PPP1R9A: variants seen among roughly 807,000 people sequenced by gnomAD.
The protein encoded by PPP1R9A is protein phosphatase 1 regulatory subunit 9A, also known as neurabin-1.
A neutral mutation model predicts 141.9 loss-of-function variants in PPP1R9A; 59 were observed. The observed-to-expected ratio is 0.42, with a 90% confidence interval of 0.34 to 0.52. The LOEUF is 0.52. PPP1R9A is among the 20% of genes least tolerant of loss of function. PPP1R9A has a pLI of 0.10. For missense variants in PPP1R9A, 1,444 were observed against 1,611.9 expected (o/e 0.90, Z 1.78); for synonymous variants, 500 against 569.7 (o/e 0.88, Z 1.74).
At chr7:95,185,708 G>A (rs1031281662) in intron 5 of PPP1R9A, among the ~76,000 whole-genome samples, 3 of 152,082 alleles carry the variant, frequency 2.0e-5, no homozygotes, top group Non-Finnish European at 4.4e-5. Flanking sequence ...TTTGTATAAG[G>A]TGAGAGGTGA....
chr7:94,992,801 C>T (rs12666453), intron 2 of PPP1R9A, among the ~76,000 whole-genome samples: 14,707 of 151,824 alleles, frequency 0.097, 791 homozygotes, highest in Admixed American at 0.15. Context: ...TAAATATTTT[C>T]TGATTTTTTA....
At chr7:95,165,062 C>T (rs970856076) in intron 5 of PPP1R9A, among the ~76,000 whole-genome samples, 1 of 152,116 alleles carries the variant, frequency 6.6e-6, no homozygotes, top group Non-Finnish European at 1.5e-5. Context: ...AATATCAATT[C>T]TTCAATGAAT....
At chr7:95,252,810 A>G (rs993194498) in intron 12 of PPP1R9A, among the ~76,000 whole-genome samples, 4 of 152,168 alleles carry the variant, frequency 2.6e-5, no homozygotes, top group African/African-American at 9.7e-5. Context: ...GATCTTTTTC[A>G]TAATATCAGA....
chr7:95,245,797 TTG>T (rs1316951887), intron 8 of PPP1R9A, among the ~76,000 whole-genome samples: 1 of 152,146 alleles, frequency 6.6e-6, no homozygotes, highest in African/African-American at 2.4e-5. Flanking sequence ...GAGCCAGATT[TTG>T]TGTCTTATAA....
chr7:94,923,962 TTTTG>T (rs747489371), intron 2 of PPP1R9A, among the ~76,000 whole-genome samples: 3 of 152,186 alleles, frequency 2.0e-5, no homozygotes, highest in Non-Finnish European at 4.4e-5. Flanking sequence ...GATTATCACT[TTTTG>T]TTAAGTATTC....
chr7:95,082,108 C>T (rs144504961), intron 2 of PPP1R9A, among the ~76,000 whole-genome samples: 156 of 152,280 alleles, frequency 1.0e-3, no homozygotes, highest in Non-Finnish European at 1.6e-3. Flanking sequence ...AGTGCTAACA[C>T]GTTGTTTTTT....
chr7:95,011,370 A>G (rs906404471), intron 2 of PPP1R9A, among the ~76,000 whole-genome samples: 1 of 152,130 alleles, frequency 6.6e-6, no homozygotes, highest in African/African-American at 2.4e-5. Flanking sequence ...TCTATGAGCT[A>G]CTGATTGTAG....
intron 5 of PPP1R9A, among the ~76,000 whole-genome samples, chr7:95,183,039 T>C (rs1043881632): frequency 1.1e-4 from 16 of 152,204 alleles, no homozygotes; most frequent in African/African-American, 3.9e-4. Context: ...AGTTTATGCC[T>C]GTTAAATAGT....
chr7:95,232,729 A>G (rs957821863), intron 8 of PPP1R9A, among the ~76,000 whole-genome samples: 1 of 152,246 alleles, frequency 6.6e-6, no homozygotes, highest in Non-Finnish European at 1.5e-5. Flanking sequence ...GACACTTTTC[A>G]AAACAAGAAA....
chr7:95,176,144 T>C (rs1563360065), intron 5 of PPP1R9A, among the ~76,000 whole-genome samples: 1 of 152,106 alleles, frequency 6.6e-6, no homozygotes, highest in Non-Finnish European at 1.5e-5. Flanking sequence ...CTAGTATCCA[T>C]GGCTGAGAGA....
intron 5 of PPP1R9A, among the ~76,000 whole-genome samples, chr7:95,165,206 T>A (rs1000069818): frequency 1.3e-5 from 2 of 152,246 alleles, no homozygotes; most frequent in Non-Finnish European, 2.9e-5. Flanking sequence ...TTGGGTTTTC[T>A]ACTGTATTGA....
chr7:95,098,109 C>T (rs1157295766), intron 2 of PPP1R9A: 1 of 152,186 alleles, frequency 6.6e-6, no homozygotes, highest in Non-Finnish European at 1.5e-5. Context: ...TTAAAGTCAA[C>T]TGATTTTGAA....
At chr7:95,025,969 A>T (rs1420246838) in intron 2 of PPP1R9A, among the ~76,000 whole-genome samples, 1 of 152,060 alleles carries the variant, frequency 6.6e-6, no homozygotes, top group African/African-American at 2.4e-5. Flanking sequence ...TAGTTAGCAA[A>T]TTCCTCTGTC....
intron 4 of PPP1R9A, among the ~76,000 whole-genome samples, chr7:95,131,371 A>G (rs1006945605): frequency 5.3e-5 from 8 of 152,186 alleles, no homozygotes; most frequent in African/African-American, 1.7e-4. Context: ...TGTAAGTCCA[A>G]TAAACCTTTT....
At chr7:94,927,821 GATT>G (rs1206149158) in intron 2 of PPP1R9A, among the ~76,000 whole-genome samples, 1 of 152,106 alleles carries the variant, frequency 6.6e-6, no homozygotes, top group Non-Finnish European at 1.5e-5. Context: ...TCAGTGTTCT[GATT>G]ATTATTACTG....
At chr7:95,241,331 G>A (rs765302404) in intron 8 of PPP1R9A, among the ~76,000 whole-genome samples, 3 of 152,148 alleles carry the variant, frequency 2.0e-5, no homozygotes, top group Non-Finnish European at 4.4e-5. Context: ...CCCCATTCCT[G>A]GGCAAGACAG....
intron 2 of PPP1R9A, among the ~76,000 whole-genome samples, chr7:95,055,241 C>T (rs1376954341): frequency 6.6e-6 from 1 of 150,840 alleles, no homozygotes; most frequent in East Asian, 1.9e-4. Context: ...ATTTTCCATT[C>T]CTCTCCCCAG....
intron 2 of PPP1R9A, among the ~76,000 whole-genome samples, chr7:94,931,119 A>T (rs549265828): frequency 4.6e-5 from 7 of 152,318 alleles, no homozygotes; most frequent in Admixed American, 1.3e-4. Context: ...TAATGATCTT[A>T]AAGTCTTCAG....
At chr7:95,023,938 C>A (rs1007609930) in intron 2 of PPP1R9A, among the ~76,000 whole-genome samples, 1 of 152,116 alleles carries the variant, frequency 6.6e-6, no homozygotes, top group African/African-American at 2.4e-5. Context: ...CTATAAGTTT[C>A]TCTCGAAACA....
Sources: gnomAD v4.1 joint callset for allele counts (sites outside exome capture counted in the v4.1 genomes callset) on GRCh38, gnomAD v4.1.1 for gene constraint, MANE v1.5 for transcripts, NCBI Gene and HGNC (gene_info 2026-07-23, HGNC 2026-07-21) for gene names.